Variants in CLEC16A observed in about 807,000 individuals in gnomAD.
CLEC16A encodes the protein C-type lectin domain containing 16A, also known as protein CLEC16A.
CLEC16A carries 51 observed loss-of-function variants against 109.5 expected under a neutral mutation model. The observed-to-expected ratio is 0.47, with a 90% CI of 0.37 to 0.59. The LOEUF (loss-of-function observed/expected upper bound fraction) is 0.59, where lower values mean the gene tolerates loss of function less well. Ranked by LOEUF, CLEC16A falls within the 20% of genes least tolerant of loss-of-function variation. The pLI is 0.00. For synonymous variants in CLEC16A, 673 were observed against 564.2 expected (o/e 1.19, Z -2.73); for missense variants, 1,339 against 1,394.0 (o/e 0.96, Z 0.63).
chr16:11,043,897 A>G (rs1346327152), intron 15 of CLEC16A, 131 bp from the exon 16 acceptor site: 5 of 571,026 alleles, frequency 8.8e-6, no homozygotes, highest in East Asian at 3.1e-5. Flanking sequence ...AAAAAAAAAC[A>G]CCATTTTATA....
chr16:11,129,793 C>G (rs969300246), intron 22 of CLEC16A, among the ~76,000 whole-genome samples: 6 of 142,284 alleles, frequency 4.2e-5, no homozygotes, highest in African/African-American at 1.4e-4. Flanking sequence ...GATGGAGTCT[C>G]TCTCTGTCGC....
chr16:11,009,997 TA>T (rs1445668945), intron 11 of CLEC16A, among the ~76,000 whole-genome samples: 1 of 151,858 alleles, frequency 6.6e-6, no homozygotes, highest in South Asian at 2.1e-4. Flanking sequence ...GTACAAAAAA[TA>T]AAAAACTAGC....
At chr16:10,987,426 T>G (rs912685833) in intron 10 of CLEC16A, among the ~76,000 whole-genome samples, 1 of 152,242 alleles carries the variant, frequency 6.6e-6, no homozygotes, top group African/African-American at 2.4e-5. Context: ...TTAGGAGATC[T>G]GTCCTCTCTC....
At chr16:11,134,977 T>G (rs1254829844) in intron 22 of CLEC16A, among the ~76,000 whole-genome samples, 1 of 152,124 alleles carries the variant, frequency 6.6e-6, no homozygotes, top group Non-Finnish European at 1.5e-5. Context: ...AAAGCAGCAA[T>G]CCAGAAAGAT....
rs2068936136 is a variant in CLEC16A at position 11,180,959 on chromosome 16, C to T, written c.*2269C>T. 6.6e-6 allele frequency: 1 copy of T among 152,310 alleles called. No homozygotes were observed. The highest frequency in any genetic ancestry group is 2.4e-5 in the African/African-American group (1 of 41,464). 9.4% of individuals were successfully genotyped at this position (152,310 alleles called of 1,614,324 possible). A position where few individuals can be genotyped will look rare whatever the true frequency, so the allele number is the denominator to read the frequency against. On this transcript the variant is annotated 3_prime_UTR_variant, in exon 24 of 24. Coordinates refer to ENST00000409790, the MANE Select transcript of CLEC16A (RefSeq NM_015226.3). ...CAGGGCAGGGCTTCTACCCTGCATC[C>T]CTGGCCAAGAAAAGGGCAGTCCCCA...
Position 11,178,976 on chromosome 16 carries a change from T to A in CLEC16A, c.*286T>A. ...GGGAGCTGCCTGGGCTCCGTGTCTC[T>A]GAGCCCCGGGTGGCAGGACCCACCG... On this transcript the variant is annotated 3_prime_UTR_variant, in exon 24 of 24. Transcript: ENST00000409790. The surrounding 1 kb of genome is among the most constrained non-coding windows in gnomAD (Gnocchi z 6.5). 1 of 375,940 alleles carries A rather than the reference T, an allele frequency of 2.7e-6. No homozygotes were observed. Among genetic ancestry groups the A allele is most frequent in the Non-Finnish European group, 4.7e-6 (1 of 210,650 alleles). 23.3% of individuals were successfully genotyped at this position (375,940 alleles called of 1,614,324 possible). A position where few individuals can be genotyped will look rare whatever the true frequency, so the allele number is the denominator to read the frequency against.
At position 11,157,610 on chromosome 16, in the gene CLEC16A, C is replaced by A. The variant is rs556816019; in HGVS notation, c.2642-8778C>A. On this transcript the variant is annotated intron_variant, in intron 22 of 23. Coordinates refer to ENST00000409790, the MANE Select transcript of CLEC16A (RefSeq NM_015226.3). The stretch of plus-strand genomic sequence containing the variant: ...CTCCTGCAGGCCCTTGGAGTCACTG[C>A]TATCTGAACCCTGCCCACATGTCAG... Among the ~76,000 whole-genome samples the A allele has an allele frequency of 2.0e-5, 3 of 152,348 alleles. No homozygotes were observed. The East Asian group carries it at 5.8e-4, about 29-fold the overall frequency.
intron 11 of CLEC16A, among the ~76,000 whole-genome samples, chr16:11,004,973 C>G (rs913581982): frequency 6.6e-6 from 1 of 152,162 alleles, no homozygotes; most frequent in African/African-American, 2.4e-5. Flanking sequence ...GTTGTTAATG[C>G]TGAAGAAAAA....
At chr16:11,173,064 C>G (rs1458190873) in intron 23 of CLEC16A, among the ~76,000 whole-genome samples, 1 of 152,082 alleles carries the variant, frequency 6.6e-6, no homozygotes, top group East Asian at 1.9e-4. Context: ...CAAGAGAGCC[C>G]CCTTCACCCC....
At chr16:10,948,375 T>A (rs2041542092) in intron 1 of CLEC16A, among the ~76,000 whole-genome samples, 1 of 152,224 alleles carries the variant, frequency 6.6e-6, no homozygotes, top group Non-Finnish European at 1.5e-5. Context: ...ACCTGTGGTC[T>A]CTGTCTGCTG....
At chr16:11,070,313 G>A (rs539450236) in intron 19 of CLEC16A, among the ~76,000 whole-genome samples, 1 of 151,478 alleles carries the variant, frequency 6.6e-6, no homozygotes, top group Non-Finnish European at 1.5e-5. Flanking sequence ...CTCGTGATCC[G>A]CCCGCCTCGG....
rs929436854 is a variant in CLEC16A at position 11,012,317 on chromosome 16, C to T, written c.1304-7876C>T. ...ATACACTTAAGAAAGATTTATGGGC[C>T]GGGCACGGTGGCTTACGCCTGTAAT... On this transcript the variant is annotated intron_variant, in intron 11 of 23. Transcript: ENST00000409790. 7.2e-5 allele frequency among the ~76,000 whole-genome samples: 11 copies of T among 152,092 alleles called. No individual in the cohort carries two copies. In the South Asian group the frequency reaches 1.2e-3, roughly 17 times the overall value.
At chr16:11,121,065 A>C (rs973940424) in intron 20 of CLEC16A, among the ~76,000 whole-genome samples, 1 of 152,190 alleles carries the variant, frequency 6.6e-6, no homozygotes, top group African/African-American at 2.4e-5. Flanking sequence ...GGCATATATA[A>C]ATGTAACTAC....
chr16:10,966,127 G>A (rs890288160), intron 3 of CLEC16A, among the ~76,000 whole-genome samples: 7 of 152,148 alleles, frequency 4.6e-5, no homozygotes, highest in African/African-American at 1.2e-4. Flanking sequence ...TGGGTGACAC[G>A]ATACCCATGT....
chr16:10,977,066 C>T (rs1054460835), intron 7 of CLEC16A, among the ~76,000 whole-genome samples, 159 bp from the exon 8 acceptor site: 19 of 152,174 alleles, frequency 1.2e-4, no homozygotes, highest in Non-Finnish European at 5.9e-5. Flanking sequence ...GCCCATTTTC[C>T]CTTGTATATC....
At chr16:10,978,602 C>T (rs12708713) in intron 8 of CLEC16A, among the ~76,000 whole-genome samples, 32,175 of 152,132 alleles carry the variant, frequency 0.21, 3,705 homozygotes, top group African/African-American at 0.3. Context: ...GAGGGAGACT[C>T]CTTTCAAAGC....
intron 19 of CLEC16A, among the ~76,000 whole-genome samples, chr16:11,080,185 C>T (rs2049622831): frequency 1.3e-5 from 2 of 152,362 alleles, no homozygotes; most frequent in South Asian, 4.1e-4. Context: ...GAATGGTAGG[C>T]ACTGTGCTAG....
chr16:11,030,954 A>G (rs1245880461), intron 13 of CLEC16A, among the ~76,000 whole-genome samples: 4 of 152,230 alleles, frequency 2.6e-5, no homozygotes, highest in African/African-American at 4.8e-5. Context: ...GGCATTTAGC[A>G]ATGATTTCCC....
rs1337665364 is a variant in CLEC16A at position 11,179,565 on chromosome 16, T to C, written c.*875T>C. 1 of 152,216 alleles carries C rather than the reference T, an allele frequency of 6.6e-6. No homozygotes were observed. Among genetic ancestry groups the C allele is most frequent in the Non-Finnish European group, 1.5e-5 (1 of 68,046 alleles). The allele number at this position is 152,216 out of a possible 1,614,324, so 9.4% of individuals were successfully genotyped here. A position where few individuals can be genotyped will look rare whatever the true frequency, so the allele number is the denominator to read the frequency against. ...GCTCCCCACTCAGGACGCTTCCTCA[T>C]TTCTCTTCACCAAAACCAAACAGAG... On this transcript the variant is annotated 3_prime_UTR_variant, in exon 24 of 24. Coordinates refer to ENST00000409790, the MANE Select transcript of CLEC16A (RefSeq NM_015226.3).
Sources: gnomAD v4.1 joint callset for allele counts (sites outside exome capture counted in the v4.1 genomes callset) on GRCh38, gnomAD v4.1.1 for gene constraint, Gnocchi (gnomAD v3.1) non-coding constraint, MANE v1.5 for transcripts, NCBI Gene and HGNC (gene_info 2026-07-23, HGNC 2026-07-21) for gene names.